KIF26B: variants seen among roughly 807,000 people sequenced by gnomAD.
The protein encoded by KIF26B is kinesin-like protein KIF26B.
KIF26B carries 63 observed loss-of-function variants against 151.2 expected under a neutral mutation model. That is an observed-to-expected ratio of 0.42 (90% CI 0.34 to 0.51). KIF26B has a LOEUF of 0.51. KIF26B is among the 20% of genes least tolerant of loss of function. The pLI is 0.07. For synonymous variants in KIF26B, 1,357 were observed against 1,262.1 expected (o/e 1.08, Z -1.59); for missense variants, 2,813 against 2,913.6 (o/e 0.97, Z 0.79).
intron 4 of KIF26B, among the ~76,000 whole-genome samples, chr1:245,484,621 T>C (rs1219690862): frequency 6.6e-6 from 1 of 151,934 alleles, no homozygotes; most frequent in Non-Finnish European, 1.5e-5. Context: ...TGTTTGGAGA[T>C]TGGAGATTTG....
At chr1:245,404,264 G>C (rs1002316005) in intron 3 of KIF26B, among the ~76,000 whole-genome samples, 1 of 150,964 alleles carries the variant, frequency 6.6e-6, no homozygotes, top group African/African-American at 2.4e-5. Flanking sequence ...TAGATGAATA[G>C]CTTTTCAAAT....
Position 245,488,316 on chromosome 1 carries a change from A to C in KIF26B, c.1167-52451A>C, listed in dbSNP as rs565892695. ...AAAAGAATCCTCTAACCATATGGGGAAAAAAAAAAATCAGCAACAACTTTG... is the reference window on the plus strand; with the variant it reads ...AAAAGAATCCTCTAACCATATGGGGCAAAAAAAAAATCAGCAACAACTTTG... On this transcript the variant is annotated intron_variant, in intron 4 of 14. Coordinates refer to ENST00000407071, the MANE Select transcript of KIF26B (RefSeq NM_018012.4). This position sits in a 1 kb window ranked among gnomAD's most constrained non-coding sequence, Gnocchi z 4.6. 6.9e-6 allele frequency among the ~76,000 whole-genome samples: 1 copy of C among 145,782 alleles called. No individual in the cohort carries two copies. Among genetic ancestry groups the C allele is most frequent in the Admixed American group, 6.8e-5 (1 of 14,662 alleles).
chr1:245,351,100 C>G (rs1186374844), intron 2 of KIF26B, among the ~76,000 whole-genome samples: 1 of 152,198 alleles, frequency 6.6e-6, no homozygotes, highest in Non-Finnish European at 1.5e-5. Context: ...CCACTTCTGG[C>G]TTTATCTCTT....
intron 2 of KIF26B, among the ~76,000 whole-genome samples, chr1:245,176,142 T>A (rs866351283): frequency 6.6e-6 from 1 of 151,828 alleles, no homozygotes; most frequent in Non-Finnish European, 1.5e-5. Context: ...TGGGATTACA[T>A]GCATGAGTCA....
At chr1:245,517,177 C>T (rs1317134078) in intron 4 of KIF26B, among the ~76,000 whole-genome samples, 2 of 152,108 alleles carry the variant, frequency 1.3e-5, no homozygotes, top group South Asian at 2.1e-4. Flanking sequence ...GTCAACATGG[C>T]GAAAACCCTA....
intron 9 of KIF26B, among the ~76,000 whole-genome samples, chr1:245,639,108 C>CTT (rs1319610836): frequency 6.6e-6 from 1 of 151,846 alleles, no homozygotes; most frequent in African/African-American, 2.4e-5. Context: ...AGTTCCCTGG[C>CTT]TTCTCTTTGA....
At chr1:245,282,530 A>G (rs768762137) in intron 2 of KIF26B, among the ~76,000 whole-genome samples, 6 of 152,124 alleles carry the variant, frequency 3.9e-5, no homozygotes, top group Admixed American at 6.5e-5. Context: ...CGTATCCCCA[A>G]GTGTGTAGAA....
chr1:245,444,507 C>T (rs1005698038), intron 4 of KIF26B, among the ~76,000 whole-genome samples: 6 of 152,206 alleles, frequency 3.9e-5, no homozygotes, highest in Admixed American at 2.0e-4. Context: ...ACCAGATACC[C>T]GTGGTATTTT....
chr1:245,308,214 C>T (rs893769842), intron 2 of KIF26B, among the ~76,000 whole-genome samples: 1 of 152,132 alleles, frequency 6.6e-6, no homozygotes. Flanking sequence ...TCATCACGCT[C>T]CTGGAATTCT....
chr1:245,642,501 C>T (rs1375037597), intron 9 of KIF26B, among the ~76,000 whole-genome samples: 1 of 135,806 alleles, frequency 7.4e-6, no homozygotes, highest in Non-Finnish European at 1.5e-5. Context: ...GCAGAGTTTT[C>T]AGTGAGCCGT....
chr1:245,181,137 A>T (rs933001975), intron 2 of KIF26B, among the ~76,000 whole-genome samples: 18 of 152,214 alleles, frequency 1.2e-4, no homozygotes, highest in Admixed American at 1.1e-3. Context: ...TCACATACAA[A>T]TTCAAGCCCT....
chr1:245,704,189 A>G lies in KIF26B; in HGVS notation c.*1583A>G, dbSNP rs1446949882. 2 of 152,268 alleles carry G rather than the reference A, an allele frequency of 1.3e-5. No homozygotes were observed. Among genetic ancestry groups the G allele is most frequent in the African/African-American group, 4.8e-5 (2 of 41,466 alleles). 9.4% of individuals were successfully genotyped at this position (152,268 alleles called of 1,614,324 possible). A position where few individuals can be genotyped will look rare whatever the true frequency, so the allele number is the denominator to read the frequency against. ...TCGAGGATGGTACTTAGGCGTGTGC[A>G]GAGCACGCTTCCCTTTTGCCCTCAA... On this transcript the variant is annotated 3_prime_UTR_variant, in exon 15 of 15. Transcript: ENST00000407071.
intron 10 of KIF26B, among the ~76,000 whole-genome samples, chr1:245,680,106 T>G (rs2044413381): frequency 6.6e-6 from 1 of 152,134 alleles, no homozygotes; most frequent in Non-Finnish European, 1.5e-5. Flanking sequence ...CCCTGGAAAC[T>G]CTTTTGAACC....
chr1:245,325,094 CAAA>C (rs57433161), intron 2 of KIF26B, among the ~76,000 whole-genome samples: 30 of 96,558 alleles, frequency 3.1e-4, no homozygotes, highest in East Asian at 5.6e-4. Flanking sequence ...GACCTTGTCT[CAAA>C]AAAAAAAAAA....
At chr1:245,175,958 ATCT>A (rs1668798490) in intron 2 of KIF26B, among the ~76,000 whole-genome samples, 1 of 144,324 alleles carries the variant, frequency 6.9e-6, no homozygotes, top group African/African-American at 2.6e-5. Context: ...AGATATCTAT[ATCT>A]ATATATATAG....
chr1:245,351,290 A>T (rs1033440781), intron 2 of KIF26B, among the ~76,000 whole-genome samples: 4 of 152,278 alleles, frequency 2.6e-5, no homozygotes, highest in Admixed American at 2.0e-4. Flanking sequence ...ATCGCTGTTG[A>T]TACGTGGGCC....
intron 9 of KIF26B, among the ~76,000 whole-genome samples, chr1:245,640,938 G>T (rs966545187): frequency 6.6e-6 from 1 of 151,986 alleles, no homozygotes; most frequent in Non-Finnish European, 1.5e-5. Flanking sequence ...AATTTTAAAT[G>T]GTTTAGATGC....
chr1:245,186,578 C>T (rs867755127), intron 2 of KIF26B, among the ~76,000 whole-genome samples: 6 of 152,088 alleles, frequency 3.9e-5, no homozygotes, highest in South Asian at 2.1e-4. Context: ...GAGGTCATGA[C>T]GTCAGTAGTC....
intron 9 of KIF26B, among the ~76,000 whole-genome samples, chr1:245,636,665 C>A (rs1374008533): frequency 6.6e-6 from 1 of 152,048 alleles, no homozygotes; most frequent in African/African-American, 2.4e-5. Flanking sequence ...CCCTTCCCTT[C>A]CCAGCCTCTG....
Sources: gnomAD v4.1 joint callset for allele counts (sites outside exome capture counted in the v4.1 genomes callset) on GRCh38, gnomAD v4.1.1 for gene constraint, Gnocchi (gnomAD v3.1) non-coding constraint, MANE v1.5 for transcripts, NCBI Gene and HGNC (gene_info 2026-07-23, HGNC 2026-07-21) for gene names.